KCNH7: variants seen among roughly 807,000 people sequenced by gnomAD.
The protein encoded by KCNH7 is voltage-gated inwardly rectifying potassium channel KCNH7.
KCNH7 carries 49 observed loss-of-function variants against 120.8 expected under a neutral mutation model. That is an observed-to-expected ratio of 0.41 (90% confidence interval 0.32 to 0.51). KCNH7 has a LOEUF of 0.51. KCNH7 is among the 20% of genes least tolerant of loss of function. The pLI is 0.38. For missense variants in KCNH7, 1,097 were observed against 1,446.6 expected, an observed-to-expected ratio of 0.76 and a Z score of 3.92; for synonymous variants, 547 against 516.1, an observed-to-expected ratio of 1.06 and a Z score of -0.81.
intron 2 of KCNH7, among the ~76,000 whole-genome samples, chr2:162,834,418 T>TAAC (rs1685581790): frequency 6.6e-6 from 1 of 152,096 alleles, no homozygotes; most frequent in Non-Finnish European, 1.5e-5. Context: ...TAGGTAGATT[T>TAAC]TATAGTTAAC....
intron 6 of KCNH7, among the ~76,000 whole-genome samples, chr2:162,502,837 G>A (rs1422597219): frequency 6.6e-6 from 1 of 151,938 alleles, no homozygotes; most frequent in Non-Finnish European, 1.5e-5. Context: ...TGGCCTCTGT[G>A]GTGGACCAAG....
chr2:162,400,862 A>G (rs1317873119), intron 9 of KCNH7, among the ~76,000 whole-genome samples: 2 of 151,926 alleles, frequency 1.3e-5, no homozygotes, highest in African/African-American at 4.8e-5. Context: ...TTAGGTTGCC[A>G]TTTCTGGTAT....
chr2:162,422,801 G>T (rs1436445409), intron 9 of KCNH7, among the ~76,000 whole-genome samples: 2 of 152,092 alleles, frequency 1.3e-5, no homozygotes, highest in African/African-American at 4.8e-5. Context: ...GCACAGCGTA[G>T]ATTGTTTAAA....
chr2:162,800,464 C>T lies in KCNH7; in HGVS notation c.307+36073G>A, dbSNP rs1684303145. On this transcript the variant is annotated intron_variant, in intron 2 of 15. Transcript: ENST00000332142. Reference sequence around the variant, plus strand: ...ATGGTAATTTTTCTGTTTTTTTCATCCACCATCTCCAACTTAAAAGCTTTG... The same window carrying T: ...ATGGTAATTTTTCTGTTTTTTTCATTCACCATCTCCAACTTAAAAGCTTTG... Among the ~76,000 whole-genome samples the T allele has an allele frequency of 2.0e-5, 3 of 151,172 alleles. No individual in the cohort carries two copies. The South Asian group carries it at 6.3e-4, about 32-fold the overall frequency.
At chr2:162,418,562 G>A (rs768498990) in intron 9 of KCNH7, among the ~76,000 whole-genome samples, 3 of 152,030 alleles carry the variant, frequency 2.0e-5, no homozygotes, top group African/African-American at 4.8e-5. Flanking sequence ...ATTATACTTC[G>A]CTATGGTGTA....
chr2:162,660,979 A>G (rs1022185012), intron 2 of KCNH7, among the ~76,000 whole-genome samples: 1 of 152,204 alleles, frequency 6.6e-6, no homozygotes, highest in African/African-American at 2.4e-5. Flanking sequence ...GTACAATAAG[A>G]TAGCCCTTTA....
At chr2:162,452,428 CTGTTTACACAGCAGAA>C (rs1417588563) in intron 6 of KCNH7, among the ~76,000 whole-genome samples, 2 of 152,010 alleles carry the variant, frequency 1.3e-5, no homozygotes, top group East Asian at 3.9e-4. Flanking sequence ...ATTTAGATTC[CTGTTTACACAGCAGAA>C]TGTTTACTTT....
At chr2:162,388,181 T>C (rs1264721547) in intron 12 of KCNH7, among the ~76,000 whole-genome samples, 1 of 151,712 alleles carries the variant, frequency 6.6e-6, no homozygotes, top group Non-Finnish European at 1.5e-5. Context: ...AATACAAAAA[T>C]TAACAATTTA....
chr2:162,778,476 A>T (rs1367002102), intron 2 of KCNH7, among the ~76,000 whole-genome samples: 1 of 152,134 alleles, frequency 6.6e-6, no homozygotes, highest in Admixed American at 6.6e-5. Context: ...GACAAGTCTA[A>T]ATTCAAATCC....
chr2:162,799,245 A>G (rs960893981), intron 2 of KCNH7, among the ~76,000 whole-genome samples: 19 of 152,106 alleles, frequency 1.2e-4, no homozygotes, highest in Admixed American at 3.9e-4. Flanking sequence ...GCCAAATTCA[A>G]TGCTCAAATA....
rs185066086 is a variant in KCNH7, at chr2:162,726,722, T to G, written c.307+109815A>C. On this transcript the variant is annotated intron_variant, in intron 2 of 15. Transcript: ENST00000332142. ...GCCGTGAGACATGGCACCCAGCCTA[T>G]TATTCTTTTTTAATGGTCAAATTGC... Among the ~76,000 whole-genome samples, 729 of 152,248 alleles carry G rather than the reference T, an allele frequency of 4.8e-3. 5 individuals carry two copies. The highest frequency in any genetic ancestry group is 0.016 in the African/African-American group (679 of 41,560).
intron 2 of KCNH7, among the ~76,000 whole-genome samples, chr2:162,586,886 T>G (rs1050568710): frequency 1.3e-5 from 2 of 152,204 alleles, no homozygotes; most frequent in South Asian, 4.1e-4. Context: ...ATACTATACC[T>G]TTTTTGCATG....
intron 2 of KCNH7, among the ~76,000 whole-genome samples, chr2:162,789,171 A>G (rs1401711354): frequency 6.6e-6 from 1 of 152,050 alleles, no homozygotes; most frequent in East Asian, 1.9e-4. Flanking sequence ...AACTAACAAC[A>G]TGAAAATATT....
At chr2:162,721,634 C>T (rs975185098) in intron 2 of KCNH7, among the ~76,000 whole-genome samples, 1 of 152,082 alleles carries the variant, frequency 6.6e-6, no homozygotes, top group East Asian at 1.9e-4. Context: ...TTCTTTCTTA[C>T]TGGCCAAATA....
chr2:162,838,365 C>G, intron 1 of KCNH7, 78 bp downstream of exon 1: 1 of 1,250,742 alleles, frequency 8.0e-7, no homozygotes, highest in Non-Finnish European at 1.2e-6. Flanking sequence ...GCCGGTCTCC[C>G]CACCTTGGAA....
intron 6 of KCNH7, among the ~76,000 whole-genome samples, chr2:162,500,842 G>C (rs1255045804): frequency 6.6e-6 from 1 of 152,054 alleles, no homozygotes; most frequent in African/African-American, 2.4e-5. Flanking sequence ...AAAATAAAAA[G>C]ACAAGTAAAG....
At chr2:162,517,706 C>A in intron 4 of KCNH7, 24 bp downstream of exon 4, 1 of 1,518,480 alleles carries the variant, frequency 6.6e-7, no homozygotes. Flanking sequence ...TATATGTTTC[C>A]ATTTAAAAAA....
At chr2:162,728,122 G>A (rs1340589807) in intron 2 of KCNH7, among the ~76,000 whole-genome samples, 1 of 150,850 alleles carries the variant, frequency 6.6e-6, no homozygotes, top group Non-Finnish European at 1.5e-5. Context: ...AGCAGTATAT[G>A]ACAGCTCTAG....
intron 6 of KCNH7, among the ~76,000 whole-genome samples, chr2:162,452,890 G>A (rs1688818747): frequency 6.6e-6 from 1 of 151,732 alleles, no homozygotes; most frequent in African/African-American, 2.4e-5. Context: ...TTCGTTTCTA[G>A]GAAACGGTTG....
Sources: gnomAD v4.1 joint callset for allele counts (sites outside exome capture counted in the v4.1 genomes callset) on GRCh38, gnomAD v4.1.1 for gene constraint, MANE v1.5 for transcripts, NCBI Gene and HGNC (gene_info 2026-07-23, HGNC 2026-07-21) for gene names.